The following POM121C variants were observed in gnomAD, a reference collection of about 807,000 sequenced individuals.
POM121C encodes nuclear envelope pore membrane protein POM 121C.
In POM121C, 20 loss-of-function variants were observed where a neutral mutation model predicts 66.4. That is an observed-to-expected ratio of 0.30 (90% confidence interval 0.21 to 0.44). The LOEUF (loss-of-function observed/expected upper bound fraction) is 0.44, where lower values mean the gene tolerates loss of function less well. Among genes scored for constraint, POM121C ranks in the 20% least tolerant of loss-of-function variants. POM121C has a pLI of 1.00. For synonymous variants in POM121C, 286 were observed against 528.0 expected, an observed-to-expected ratio of 0.54 and a Z score of 6.28; for missense variants, 580 against 1,225.7, an observed-to-expected ratio of 0.47 and a Z score of 7.87.
At chr7:75,435,852 C>A (rs1295221358) in intron 7 of POM121C, among the ~76,000 whole-genome samples, 3 of 152,178 alleles carry the variant, frequency 2.0e-5, no homozygotes, top group Non-Finnish European at 2.9e-5. Context: ...GAGTTCCAGG[C>A]CAGCCTGGCC....
At chr7:75,479,202 T>C (rs1191247803) in intron 1 of POM121C, among the ~76,000 whole-genome samples, 1 of 152,170 alleles carries the variant, frequency 6.6e-6, no homozygotes, top group East Asian at 1.9e-4. Flanking sequence ...GAAGAAATGT[T>C]ACAGAAAGTC....
In POM121C at chr7:75,418,792, A is replaced by G. The variant is rs1789574896; in HGVS notation, c.*4T>C. ...GTGGGGGGAACAGGGACAGGGGACA[A>G]AGGCTACTTTTTGCGGGTGTGCTGC... On this transcript the variant is annotated 3_prime_UTR_variant, in exon 15 of 15. Coordinates refer to ENST00000615331, the MANE Select transcript of POM121C (RefSeq NM_001099415.3). The G allele has an allele frequency of 6.2e-7, 1 of 1,607,010 alleles. No individual in the cohort carries two copies. The highest frequency in any genetic ancestry group is 8.5e-7 in the Non-Finnish European group (1 of 1,177,872).
At chr7:75,439,613 T>C (rs1329873567) in intron 5 of POM121C, among the ~76,000 whole-genome samples, 1 of 152,180 alleles carries the variant, frequency 6.6e-6, no homozygotes, top group Admixed American at 6.5e-5. Flanking sequence ...CTTGAGCTCC[T>C]GGGTTCCAGC....
At chr7:75,428,898 T>TAAG (rs1186718588) in intron 7 of POM121C, among the ~76,000 whole-genome samples, 1 of 151,186 alleles carries the variant, frequency 6.6e-6, no homozygotes, top group Non-Finnish European at 1.5e-5. Context: ...GAGGATCACT[T>TAAG]GAGCCCAAGA....
intron 7 of POM121C, among the ~76,000 whole-genome samples, chr7:75,433,257 AAAAG>A (rs1790257266): frequency 6.6e-6 from 1 of 151,152 alleles, no homozygotes; most frequent in Admixed American, 6.6e-5. Flanking sequence ...AAAAAAAAAA[AAAAG>A]AATGTACAGT....
Position 75,416,874 on chromosome 7 carries a change from G to T in POM121C, c.*1922C>A. The T allele has an allele frequency of 6.9e-7, 1 of 1,440,502 alleles. No individual in the cohort carries two copies. Among genetic ancestry groups the T allele is most frequent in the Non-Finnish European group, 9.1e-7 (1 of 1,101,050 alleles). The allele number at this position is 1,440,502 out of a possible 1,614,324, so 89.2% of individuals were successfully genotyped here. A position where few individuals can be genotyped will look rare whatever the true frequency, so the allele number is the denominator to read the frequency against. ...TAAAAATTCCAACTAGACTCAACAG[G>T]AATGAAGTCTCTATTTGTAATGGAA... On this transcript the variant is annotated 3_prime_UTR_variant, in exon 15 of 15. Transcript: ENST00000615331.
At chr7:75,419,138 C>G (rs1446125787) in intron 14 of POM121C, among the ~76,000 whole-genome samples, 182 bp downstream of exon 14, 3 of 152,212 alleles carry the variant, frequency 2.0e-5, no homozygotes, top group African/African-American at 7.2e-5. Context: ...CCACCCCGGA[C>G]AGCTCCTCTC....
intron 1 of POM121C, among the ~76,000 whole-genome samples, chr7:75,477,821 T>A (rs1391830803): frequency 6.6e-6 from 1 of 151,872 alleles, no homozygotes; most frequent in African/African-American, 2.4e-5. Flanking sequence ...TGAGGACTTC[T>A]GCCCTCAGGT....
At chr7:75,428,384 C>T (rs587652400) in intron 7 of POM121C, among the ~76,000 whole-genome samples, 73 of 152,260 alleles carry the variant, frequency 4.8e-4, no homozygotes, top group Middle Eastern at 3.4e-3. Context: ...GTGATCTGCC[C>T]GCCTTGGCCT....
Position 75,418,813 on chromosome 7 carries a change from G to A in POM121C, c.2947C>T (p.His983Tyr), listed in dbSNP as rs782015839. The change falls in exon 15 of 15, where the codon CAC becomes TAC. Residue 983 changes from histidine to tyrosine, a missense_variant. Coordinates refer to ENST00000615331, the MANE Select transcript of POM121C (RefSeq NM_001099415.3). ...ARQRLQARRQ[H>Y]TRKK ...GACAAAGGCTACTTTTTGCGGGTGT[G>A]CTGCCTTCGGGCCTGCAGTCGCTGT... 50 of 1,610,162 alleles carry A rather than the reference G, an allele frequency of 3.1e-5. No individual in the cohort carries two copies. Among genetic ancestry groups the A allele is most frequent in the Non-Finnish European group, 4.1e-5 (48 of 1,179,334 alleles).
Position 75,439,177 on chromosome 7 carries a change from A to G in POM121C, c.275T>C (p.Val92Ala). ...GSGHSAFEPL[V>A]ASGVPASFVP... is the part of the protein sequence containing the mutation. ...AAAAGAAGCGGGGACTCCACTGGCC[A>G]CCAGGGGCTCAAATGCTGAATGTCC... Residue 92 changes from valine to alanine, a missense_variant, in exon 6 of 15, where the codon GTG (valine) becomes GCG (alanine). Transcript: ENST00000615331. 6.2e-7 allele frequency: 1 copy of G among 1,614,264 alleles called. No homozygotes were observed. The highest frequency in any genetic ancestry group is 8.5e-7 in the Non-Finnish European group (1 of 1,180,046).
rs201871107 is a variant in POM121C, at chr7:75,422,005, C to T, written c.2247G>A (p.Ala749=). ...GCGCAGGCACGATCTTGATCGTGGA[C>T]GCAGGTGCAGGTGTGGGTGCAGTAG... ...APATAPTPAP[A]STIKIVPAHV... The change falls in exon 13 of 15, where the codon GCG becomes GCA. Residue 749 remains alanine (A), a synonymous_variant. Coordinates refer to ENST00000615331, the MANE Select transcript of POM121C (RefSeq NM_001099415.3). The T allele has an allele frequency of 2.9e-5, 47 of 1,613,838 alleles. No homozygotes were observed. The highest frequency in any genetic ancestry group is 1.2e-4 in the African/African-American group (9 of 75,068).
Position 75,486,233 on chromosome 7 carries a change from A to G in POM121C, c.-827T>C, listed in dbSNP as rs587691938. ...CCCGCAGACTCGGTGATTCTCGTCC[A>G]CTAGAAGCCAAAGCCTGGGAACGAG... is the stretch of plus-strand genomic sequence containing the variant. On this transcript the variant is annotated 5_prime_UTR_variant, in exon 1 of 15. Coordinates refer to ENST00000615331, the MANE Select transcript of POM121C (RefSeq NM_001099415.3). 2 of 283,756 alleles carry G rather than the reference A, an allele frequency of 7.0e-6. No individual in the cohort carries two copies. The highest frequency in any genetic ancestry group is 4.7e-5 in the African/African-American group (2 of 42,134). 17.6% of individuals were successfully genotyped at this position (283,756 alleles called of 1,614,324 possible).
chr7:75,474,690 C>T lies in POM121C; in HGVS notation c.-152+14G>A. The T allele has an allele frequency of 4.3e-6, 6 of 1,402,398 alleles. No homozygotes were observed. Among genetic ancestry groups the T allele is most frequent in the Non-Finnish European group, 6.0e-6 (6 of 1,000,916 alleles). The allele number at this position is 1,402,398 out of a possible 1,614,324, so 86.9% of individuals were successfully genotyped here. On this transcript the variant is annotated intron_variant, in intron 3 of 14. Transcript: ENST00000615331. ...GATGAGCATTTTTTAACATTTGATA[C>T]TCTACTAACTTACCAGGACTATGTT...
chr7:75,468,148 A>AG (rs1299117795), intron 3 of POM121C, among the ~76,000 whole-genome samples: 1 of 142,098 alleles, frequency 7.0e-6, no homozygotes. Flanking sequence ...AAAAAAAAAA[A>AG]AAAAGAAAAG....
intron 1 of POM121C, among the ~76,000 whole-genome samples, chr7:75,475,990 G>A (rs6945136): frequency 6.6e-6 from 1 of 152,216 alleles, no homozygotes; most frequent in South Asian, 2.1e-4. Context: ...CAATTTTTAA[G>A]AGGTTGGGGC....
At chr7:75,453,501 G>T (rs587760317) in intron 3 of POM121C, among the ~76,000 whole-genome samples, 1 of 150,986 alleles carries the variant, frequency 6.6e-6, no homozygotes, top group Non-Finnish European at 1.5e-5. Context: ...AGAATCGCTT[G>T]AACCTGGGAG....
At chr7:75,428,722 G>A (rs35199135) in intron 7 of POM121C, among the ~76,000 whole-genome samples, 18,395 of 152,274 alleles carry the variant, frequency 0.12, 1,434 homozygotes, top group Middle Eastern at 0.25. Context: ...GCTCATGCCT[G>A]TAATCCCAGC....
chr7:75,430,067 A>T (rs1790105878), intron 7 of POM121C, among the ~76,000 whole-genome samples: 1 of 152,234 alleles, frequency 6.6e-6, no homozygotes. Context: ...AAACAAGGTC[A>T]ATATTATAAC....
Sources: gnomAD v4.1 joint callset for allele counts (sites outside exome capture counted in the v4.1 genomes callset) on GRCh38, gnomAD v4.1.1 for gene constraint, MANE v1.5 for transcripts, NCBI Gene and HGNC (gene_info 2026-07-23, HGNC 2026-07-21) for gene names.